PIAS1: variants seen among roughly 807,000 people sequenced by gnomAD.
The protein encoded by PIAS1 is protein inhibitor of activated STAT 1.
Under a neutral mutation model 71.3 loss-of-function variants are expected in PIAS1, and 6 were observed. The observed-to-expected ratio is 0.08, with a 90% CI of 0.05 to 0.17. PIAS1 has a LOEUF of 0.17. Among genes scored for constraint, PIAS1 ranks in the 10% least tolerant of loss-of-function variants. The pLI, the probability that PIAS1 is intolerant of heterozygous loss-of-function variation, is 1.00. For missense variants in PIAS1, 555 were observed against 793.6 expected (o/e 0.70, Z 3.61); for synonymous variants, 303 against 292.9 (o/e 1.03, Z -0.35).
intron 2 of PIAS1, among the ~76,000 whole-genome samples, chr15:68,092,477 A>C (rs1333623407): frequency 6.6e-6 from 1 of 152,136 alleles, no homozygotes; most frequent in Non-Finnish European, 1.5e-5. Context: ...CCAGCTGACT[A>C]TGAGTGTTAT....
intron 2 of PIAS1, among the ~76,000 whole-genome samples, chr15:68,141,187 A>G (rs2092767292): frequency 6.6e-6 from 1 of 152,086 alleles, no homozygotes. Context: ...CAACAGAGCA[A>G]GACCCTGTCT....
chr15:68,072,775 A>G (rs1384770829), intron 1 of PIAS1, among the ~76,000 whole-genome samples: 2 of 152,012 alleles, frequency 1.3e-5, no homozygotes, highest in African/African-American at 4.8e-5. Context: ...TTTTCAAATT[A>G]TTTACTCTTC....
intron 12 of PIAS1, among the ~76,000 whole-genome samples, chr15:68,182,759 CT>C (rs905762165): frequency 1.2e-4 from 18 of 152,084 alleles, no homozygotes; most frequent in African/African-American, 4.1e-4. Context: ...CTTTCTATAC[CT>C]TTTTTTCTAC....
intron 2 of PIAS1, among the ~76,000 whole-genome samples, chr15:68,115,532 T>C (rs1394097575): frequency 6.6e-6 from 1 of 152,138 alleles, no homozygotes; most frequent in African/African-American, 2.4e-5. Flanking sequence ...TCTTGATGCA[T>C]TTTTCTTGCT....
At chr15:68,143,292 A>T (rs1034886578) in intron 4 of PIAS1, among the ~76,000 whole-genome samples, 1 of 152,106 alleles carries the variant, frequency 6.6e-6, no homozygotes, top group African/African-American at 2.4e-5. Flanking sequence ...ACAAGTTACA[A>T]ATACACTAGG....
At chr15:68,172,134 G>T (rs1340666332) in intron 8 of PIAS1, among the ~76,000 whole-genome samples, 1 of 150,684 alleles carries the variant, frequency 6.6e-6, no homozygotes, top group Non-Finnish European at 1.5e-5. Flanking sequence ...TCATTGTTCA[G>T]TTCCCACCTA....
chr15:68,104,439 A>G (rs28579217), intron 2 of PIAS1, among the ~76,000 whole-genome samples: 1,752 of 152,284 alleles, frequency 0.012, 32 homozygotes, highest in African/African-American at 0.04. Context: ...ACCAACATCA[A>G]CAACTTTTAA....
intron 2 of PIAS1, among the ~76,000 whole-genome samples, chr15:68,112,709 C>T (rs2092532652): frequency 6.6e-6 from 1 of 152,102 alleles, no homozygotes; most frequent in Non-Finnish European, 1.5e-5. Context: ...TGTCCAGTGT[C>T]GGCAAGGAAA....
At position 68,188,863 on chromosome 15, in the gene PIAS1, T is replaced by C. The variant is rs949396730; in HGVS notation, c.*1028T>C. ...GCTTAGAAAGCTCTGTCAGGTGTTT[T>C]GTGCAGCTGACAGAGGTAATGTTAC... is the stretch of plus-strand genomic sequence containing the variant. On this transcript the variant is annotated 3_prime_UTR_variant, in exon 14 of 14. Transcript: ENST00000249636. The C allele has an allele frequency of 6.6e-6, 1 of 152,206 alleles. No individual in the cohort carries two copies. The highest frequency in any genetic ancestry group is 2.4e-5 in the African/African-American group (1 of 41,442). The allele number at this position is 152,206 out of a possible 1,614,324, so 9.4% of individuals were successfully genotyped here.
intron 8 of PIAS1, among the ~76,000 whole-genome samples, chr15:68,168,623 G>T (rs2092971577): frequency 6.6e-6 from 1 of 152,120 alleles, no homozygotes; most frequent in Admixed American, 6.5e-5. Flanking sequence ...TTGTTACCAA[G>T]TTAGAGAAAA....
intron 2 of PIAS1, among the ~76,000 whole-genome samples, chr15:68,098,573 G>A (rs903791644): frequency 6.6e-6 from 1 of 152,116 alleles, no homozygotes; most frequent in Non-Finnish European, 1.5e-5. Context: ...ATACATTGAT[G>A]TACAAAACTC....
intron 1 of PIAS1, among the ~76,000 whole-genome samples, chr15:68,071,326 C>G (rs1484175736): frequency 1.4e-5 from 2 of 142,886 alleles, no homozygotes; most frequent in African/African-American, 2.6e-5. Flanking sequence ...AAGCAATTCT[C>G]TGCTTCAGCC....
intron 1 of PIAS1, among the ~76,000 whole-genome samples, chr15:68,066,846 G>T (rs1432316410): frequency 6.6e-6 from 1 of 152,098 alleles, no homozygotes; most frequent in African/African-American, 2.4e-5. Context: ...TCAGGGAAAA[G>T]AACATGAATT....
chr15:68,080,596 A>T (rs181706150), intron 1 of PIAS1, among the ~76,000 whole-genome samples: 1 of 152,222 alleles, frequency 6.6e-6, no homozygotes. Context: ...CTTATTAACA[A>T]TTTGTAATGA....
In PIAS1 at chr15:68,193,680, T is replaced by G. The variant is rs2093130519; in HGVS notation, c.*5845T>G. 1 of 247,450 alleles carries G rather than the reference T, an allele frequency of 4.0e-6. No individual in the cohort carries two copies. Among genetic ancestry groups the G allele is most frequent in the African/African-American group, 2.2e-5 (1 of 44,906 alleles). The allele number at this position is 247,450 out of a possible 1,614,324, so 15.3% of individuals were successfully genotyped here. ...GGGAATCCAGCTTGTGTGGGGGGGCTTTGAGGAGTGAAATGATTTGCCCAA... is the reference window on the plus strand; with the variant it reads ...GGGAATCCAGCTTGTGTGGGGGGGCGTTGAGGAGTGAAATGATTTGCCCAA... On this transcript the variant is annotated 3_prime_UTR_variant, in exon 14 of 14. Transcript: ENST00000249636.
chr15:68,187,441 C>A lies in PIAS1; in HGVS notation c.1663-101C>A. 9.3e-7 allele frequency: 1 copy of A among 1,074,100 alleles called. No homozygotes were observed. The highest frequency in any genetic ancestry group is 1.4e-6 in the Non-Finnish European group (1 of 732,338). 66.5% of individuals were successfully genotyped at this position (1,074,100 alleles called of 1,614,324 possible). On this transcript the variant is annotated intron_variant, in intron 13 of 13. Coordinates refer to ENST00000249636, the MANE Select transcript of PIAS1 (RefSeq NM_016166.3). The surrounding 1 kb of genome is among the most constrained non-coding windows in gnomAD (Gnocchi z 5.3). Reference sequence around the variant, plus strand: ...GTAAATATTTCAGAAACCCTAGATACTCAGGCTATCTTAAATTTAGGGCTG... The same window carrying A: ...GTAAATATTTCAGAAACCCTAGATAATCAGGCTATCTTAAATTTAGGGCTG...
intron 7 of PIAS1, among the ~76,000 whole-genome samples, chr15:68,155,274 T>C (rs2092879551): frequency 6.6e-6 from 1 of 152,062 alleles, no homozygotes; most frequent in South Asian, 2.1e-4. Flanking sequence ...TAGTCTGATA[T>C]ACTGATGGAT....
rs1567080342 is a variant in PIAS1, at chr15:68,181,366, G to A, written c.1624+12G>A. On this transcript the variant is annotated intron_variant, in intron 12 of 13. Coordinates refer to ENST00000249636, the MANE Select transcript of PIAS1 (RefSeq NM_016166.3). The stretch of plus-strand genomic sequence containing the variant: ...TTACGACTTACAAGGTGAGTCACTG[G>A]TTCTTCTACATTGTCACATAGCATT... 1 of 1,611,870 alleles carries A rather than the reference G, an allele frequency of 6.2e-7. No individual in the cohort carries two copies. The highest frequency in any genetic ancestry group is 1.3e-5 in the African/African-American group (1 of 74,956).
chr15:68,141,364 T>C (rs183836174), intron 2 of PIAS1, among the ~76,000 whole-genome samples: 50 of 152,248 alleles, frequency 3.3e-4, no homozygotes, highest in African/African-American at 1.2e-3. Flanking sequence ...TTCTCTTCTG[T>C]TTTTTACAAC....
Sources: gnomAD v4.1 joint callset for allele counts (sites outside exome capture counted in the v4.1 genomes callset) on GRCh38, gnomAD v4.1.1 for gene constraint, Gnocchi (gnomAD v3.1) non-coding constraint, MANE v1.5 for transcripts, NCBI Gene and HGNC (gene_info 2026-07-23, HGNC 2026-07-21) for gene names.